Variants in VPS54 observed in about 807,000 individuals in gnomAD.
VPS54 encodes vacuolar protein sorting-associated protein 54.
VPS54 carries 45 observed loss-of-function variants against 121.5 expected under a neutral mutation model. The ratio of observed to expected loss-of-function variants is 0.37; its 90% CI spans 0.29 to 0.47. VPS54 has a LOEUF of 0.47. Among genes scored for constraint, VPS54 ranks in the 20% least tolerant of loss-of-function variants. VPS54 has a pLI of 0.99. For missense variants in VPS54, 1,090 were observed against 1,131.4 expected (o/e 0.96, Z 0.52); for synonymous variants, 371 against 385.8 (o/e 0.96, Z 0.45).
chr2:63,926,882 T>C (rs1410397027), intron 12 of VPS54, among the ~76,000 whole-genome samples: 1 of 152,094 alleles, frequency 6.6e-6, no homozygotes, highest in African/African-American at 2.4e-5. Flanking sequence ...CCTTGCTCAC[T>C]GGTAGCACAG....
intron 20 of VPS54, among the ~76,000 whole-genome samples, chr2:63,906,541 G>C (rs1672910254): frequency 6.6e-6 from 1 of 152,184 alleles, no homozygotes; most frequent in Non-Finnish European, 1.5e-5. Context: ...AGGTCCAGTG[G>C]TGTGTGGTAA....
chr2:63,939,370 C>T (rs528587400), intron 11 of VPS54, among the ~76,000 whole-genome samples: 2 of 147,284 alleles, frequency 1.4e-5, no homozygotes, highest in East Asian at 4.0e-4. Context: ...AACTCTACCT[C>T]AAAAAAAAAC....
chr2:63,970,298 T>TATATAGATAG (rs1676222910), intron 4 of VPS54, among the ~76,000 whole-genome samples: 2 of 146,136 alleles, frequency 1.4e-5, no homozygotes, highest in Non-Finnish European at 3.0e-5. Flanking sequence ...TATATAGATA[T>TATATAGATAG]ATATAGATAT....
chr2:63,899,370 G>C lies in VPS54; in HGVS notation c.2733+104C>G. 3.3e-6 allele frequency: 3 copies of C among 895,854 alleles called. No homozygotes were observed. The South Asian group carries it at 5.8e-5, about 17-fold the overall frequency. 55.5% of individuals were successfully genotyped at this position (895,854 alleles called of 1,614,324 possible). ...AATGTAAAAAAATGATAATCATATT[G>C]GAACATGAACAGCTTAACTGCCAAA... On this transcript the variant is annotated intron_variant, in intron 21 of 22. Coordinates refer to ENST00000272322, the MANE Select transcript of VPS54 (RefSeq NM_016516.3).
intron 12 of VPS54, among the ~76,000 whole-genome samples, chr2:63,922,212 T>G (rs1364919878): frequency 6.6e-6 from 1 of 152,162 alleles, no homozygotes; most frequent in Non-Finnish European, 1.5e-5. Flanking sequence ...TGTAAAACTT[T>G]CTATTTTTAA....
intron 7 of VPS54, among the ~76,000 whole-genome samples, chr2:63,953,550 A>ACATTTGCC (rs1445511141): frequency 1.9e-4 from 29 of 152,216 alleles, no homozygotes; most frequent in Admixed American, 1.9e-3. Context: ...TCAAGAGTCA[A>ACATTTGCC]CATTTGCCCT....
intron 1 of VPS54, among the ~76,000 whole-genome samples, chr2:63,989,917 A>G (rs1018494040): frequency 6.6e-6 from 1 of 152,218 alleles, no homozygotes; most frequent in Non-Finnish European, 1.5e-5. Flanking sequence ...TGGTCACTCT[A>G]TTCAAGGCGG....
intron 20 of VPS54, among the ~76,000 whole-genome samples, chr2:63,899,939 G>C (rs1176537149): frequency 1.3e-5 from 2 of 152,114 alleles, no homozygotes; most frequent in Non-Finnish European, 2.9e-5. Flanking sequence ...GATTAAAAAA[G>C]AGGACTCATA....
chr2:63,901,644 A>G (rs116436959), intron 20 of VPS54, among the ~76,000 whole-genome samples: 3,423 of 152,262 alleles, frequency 0.022, 119 homozygotes, highest in African/African-American at 0.077. Flanking sequence ...TCTCATACAA[A>G]GTAAAAGGCC....
intron 20 of VPS54, among the ~76,000 whole-genome samples, chr2:63,902,069 A>G (rs920731006): frequency 6.6e-6 from 1 of 152,074 alleles, no homozygotes; most frequent in Non-Finnish European, 1.5e-5. Context: ...GGACAAAAAC[A>G]CCTGAAGCCC....
intron 17 of VPS54, 192 bp downstream of exon 17, chr2:63,913,990 T>C (rs1371876124): frequency 8.0e-7 from 1 of 1,253,778 alleles, no homozygotes; most frequent in Non-Finnish European, 1.1e-6. Context: ...TGAGGATCAC[T>C]AACTGTGGAG....
At chr2:63,925,015 A>C (rs1287780649) in intron 12 of VPS54, among the ~76,000 whole-genome samples, 1 of 152,228 alleles carries the variant, frequency 6.6e-6, no homozygotes, top group Non-Finnish European at 1.5e-5. Flanking sequence ...GATTTCTTAA[A>C]CAGGACACAA....
intron 12 of VPS54, among the ~76,000 whole-genome samples, chr2:63,931,153 G>GA (rs1170151026): frequency 5.3e-5 from 8 of 151,582 alleles, no homozygotes; most frequent in Admixed American, 2.6e-4. Context: ...TCACAGAAAT[G>GA]AAAAAAACTA....
chr2:63,945,383 A>G (rs1180347285), intron 9 of VPS54, among the ~76,000 whole-genome samples: 2 of 152,144 alleles, frequency 1.3e-5, no homozygotes, highest in Admixed American at 1.3e-4. Flanking sequence ...CACGGTGGAG[A>G]CTATTGGAGA....
chr2:63,911,225 A>T (rs3770387), intron 20 of VPS54, among the ~76,000 whole-genome samples: 9 of 152,028 alleles, frequency 5.9e-5, no homozygotes, highest in African/African-American at 1.9e-4. Context: ...ACTTGGCACC[A>T]GTGAAGAAAA....
intron 7 of VPS54, among the ~76,000 whole-genome samples, chr2:63,960,581 A>G (rs931742696): frequency 6.6e-6 from 1 of 152,180 alleles, no homozygotes; most frequent in Non-Finnish European, 1.5e-5. Flanking sequence ...CTTTGATTCT[A>G]TTTCTCAGCT....
At chr2:63,938,204 G>C (rs1020079866) in intron 11 of VPS54, among the ~76,000 whole-genome samples, 22 of 151,866 alleles carry the variant, frequency 1.4e-4, no homozygotes, top group African/African-American at 5.3e-4. Context: ...GGTCTCAAGC[G>C]ATTCTCCTGC....
At position 63,909,413 on chromosome 2, in the gene VPS54, CTTTTTTTTTTTTT is replaced by C. The variant is rs5831673; in HGVS notation, c.2625+2919_2625+2931del. 1.7e-4 allele frequency among the ~76,000 whole-genome samples: 12 copies of C among 69,932 alleles called. No individual in the cohort carries two copies. In the East Asian group the frequency reaches 1.8e-3, roughly 11 times the overall value. The allele number at this position is 69,932 out of a possible 152,430, so 45.9% of individuals were successfully genotyped here. Reference sequence around the variant, plus strand: ...AATGGTACCCTTACTTATTAGCTGCCTTTTTTTTTTTTTTTTTTTTTTTTTTGAGATGGAGTCT... The same window carrying C: ...AATGGTACCCTTACTTATTAGCTGCCTTTTTTTTTTTTTGAGATGGAGTCT... On this transcript the variant is annotated intron_variant, in intron 20 of 22. Transcript: ENST00000272322.
At chr2:63,924,842 G>C (rs899764252) in intron 12 of VPS54, among the ~76,000 whole-genome samples, 1 of 152,176 alleles carries the variant, frequency 6.6e-6, no homozygotes, top group Middle Eastern at 3.4e-3. Context: ...TTCAATAAAT[G>C]GTGCAAGGTC....
Sources: gnomAD v4.1 joint callset for allele counts (sites outside exome capture counted in the v4.1 genomes callset) on GRCh38, gnomAD v4.1.1 for gene constraint, MANE v1.5 for transcripts, NCBI Gene and HGNC (gene_info 2026-07-23, HGNC 2026-07-21) for gene names.